Variants in CGNL1 observed in about 807,000 individuals in gnomAD.
CGNL1 encodes cingulin-like protein 1.
Under a neutral mutation model 141.2 loss-of-function variants are expected in CGNL1, and 132 were observed. That is an observed-to-expected ratio of 0.93 (90% confidence interval 0.81 to 1.08). The LOEUF is 1.08. CGNL1 is among the 50% of genes least tolerant of loss of function. The pLI is 0.00. For missense variants in CGNL1, 1,870 were observed against 1,588.6 expected (o/e 1.18, Z -3.01); for synonymous variants, 690 against 622.1 (o/e 1.11, Z -1.63).
chr15:57,543,120 A>G (rs1240678937), intron 14 of CGNL1, among the ~76,000 whole-genome samples: 1 of 152,176 alleles, frequency 6.6e-6, no homozygotes, highest in Non-Finnish European at 1.5e-5. Flanking sequence ...TGCCTCTGAG[A>G]CCAGTAGGGA....
chr15:57,481,504 G>A (rs542375445), intron 8 of CGNL1, among the ~76,000 whole-genome samples: 4 of 152,154 alleles, frequency 2.6e-5, no homozygotes, highest in Non-Finnish European at 5.9e-5. Flanking sequence ...CCAAGCTGCT[G>A]CATGTATCAA....
Position 57,380,584 on chromosome 15 carries a change from T to C in CGNL1, c.-16+4017T>C, listed in dbSNP as rs985730448. On this transcript the variant is annotated intron_variant, in intron 1 of 18. Transcript: ENST00000281282. ...AGGCATAAGACATGCTTTACTTGGG[T>C]TTACATTAAAGCTTATTCTATTAGG... Among the ~76,000 whole-genome samples the C allele has an allele frequency of 2.0e-5, 3 of 152,054 alleles. No individual in the cohort carries two copies. In the East Asian group the frequency reaches 5.8e-4, roughly 29 times the overall value.
chr15:57,416,066 C>G (rs1029305258), intron 1 of CGNL1, among the ~76,000 whole-genome samples: 1 of 152,138 alleles, frequency 6.6e-6, no homozygotes, highest in Non-Finnish European at 1.5e-5. Flanking sequence ...AAAAAACCCA[C>G]AGAAATACAG....
chr15:57,478,878 G>A (rs564510701), intron 8 of CGNL1, among the ~76,000 whole-genome samples: 15 of 152,208 alleles, frequency 9.9e-5, no homozygotes, highest in African/African-American at 3.6e-4. Flanking sequence ...GGCTCAAGTG[G>A]TTCTCCCACC....
At chr15:57,490,397 A>AAC (rs34731849) in intron 8 of CGNL1, among the ~76,000 whole-genome samples, 14 of 151,366 alleles carry the variant, frequency 9.2e-5, no homozygotes, top group Admixed American at 2.0e-4. Flanking sequence ...AAGTGCTCCA[A>AAC]ACACACACAC....
intron 14 of CGNL1, among the ~76,000 whole-genome samples, chr15:57,540,969 G>A (rs1251175109): frequency 6.6e-6 from 1 of 152,252 alleles, no homozygotes; most frequent in African/African-American, 2.4e-5. Flanking sequence ...GAGAGACGGG[G>A]TGGCTGCTCT....
intron 1 of CGNL1, among the ~76,000 whole-genome samples, chr15:57,433,078 G>C (rs1402985467): frequency 6.6e-6 from 1 of 152,164 alleles, no homozygotes; most frequent in African/African-American, 2.4e-5. Context: ...TTGGTGAGTA[G>C]AATAACCCCA....
At chr15:57,490,421 C>T (rs749999021) in intron 8 of CGNL1, among the ~76,000 whole-genome samples, 2 of 151,930 alleles carry the variant, frequency 1.3e-5, no homozygotes, top group African/African-American at 2.4e-5. Context: ...CGCACGCACG[C>T]GTGCGTGTGC....
intron 1 of CGNL1, among the ~76,000 whole-genome samples, chr15:57,396,340 T>A (rs1305557579): frequency 6.6e-6 from 1 of 151,426 alleles, no homozygotes; most frequent in South Asian, 2.1e-4. Context: ...AGTGATGTGA[T>A]CTCAGCTCAC....
intron 1 of CGNL1, among the ~76,000 whole-genome samples, chr15:57,431,733 AT>A (rs11400337): frequency 1.8e-4 from 27 of 151,202 alleles, no homozygotes; most frequent in African/African-American, 2.4e-4. Context: ...TTTTTTTGTA[AT>A]TTTTTTTTTA....
intron 14 of CGNL1, among the ~76,000 whole-genome samples, chr15:57,536,443 G>C (rs2032263572): frequency 6.6e-6 from 1 of 152,202 alleles, no homozygotes; most frequent in South Asian, 2.1e-4. Flanking sequence ...TGGATGTTTG[G>C]ACTTTGTTTT....
chr15:57,479,252 T>G (rs1203530729), intron 8 of CGNL1, among the ~76,000 whole-genome samples: 4 of 151,844 alleles, frequency 2.6e-5, no homozygotes. Context: ...GTGTGGAGGA[T>G]GGGAGTGAAA....
intron 1 of CGNL1, among the ~76,000 whole-genome samples, chr15:57,433,222 C>T (rs1438819416): frequency 1.3e-5 from 2 of 152,146 alleles, no homozygotes; most frequent in Non-Finnish European, 2.9e-5. Flanking sequence ...TAAGACACAC[C>T]TGGTTATTTT....
At chr15:57,379,971 C>T (rs2062407476) in intron 1 of CGNL1, among the ~76,000 whole-genome samples, 1 of 152,172 alleles carries the variant, frequency 6.6e-6, no homozygotes, top group African/African-American at 2.4e-5. Flanking sequence ...CATGCACCCT[C>T]CTGCATCCCT....
At chr15:57,426,095 C>T (rs1341260271) in intron 1 of CGNL1, among the ~76,000 whole-genome samples, 2 of 151,926 alleles carry the variant, frequency 1.3e-5, no homozygotes, top group Admixed American at 6.6e-5. Context: ...TCCTGGAGAT[C>T]AGAGAGGAAG....
intron 7 of CGNL1, among the ~76,000 whole-genome samples, chr15:57,457,117 T>C (rs1463505274): frequency 6.6e-6 from 1 of 152,140 alleles, no homozygotes; most frequent in Non-Finnish European, 1.5e-5. Flanking sequence ...TATAAAACCT[T>C]TTATTTATGC....
At chr15:57,540,771 G>A (rs8026794) in intron 14 of CGNL1, among the ~76,000 whole-genome samples, 51,314 of 152,096 alleles carry the variant, frequency 0.34, 9,448 homozygotes, top group Non-Finnish European at 0.42. Flanking sequence ...TATGGAGAGC[G>A]GGCACTTTCT....
chr15:57,524,898 T>C (rs2031517211), intron 12 of CGNL1, 147 bp downstream of exon 12: 1 of 791,694 alleles, frequency 1.3e-6, no homozygotes, highest in Non-Finnish European at 2.0e-6. Context: ...ATGGGTTCCG[T>C]GGGCAAATGG....
At chr15:57,393,204 T>C (rs2062561869) in intron 1 of CGNL1, among the ~76,000 whole-genome samples, 2 of 152,224 alleles carry the variant, frequency 1.3e-5, no homozygotes, top group South Asian at 4.1e-4. Context: ...ACATTTCTAT[T>C]GAGTTACTTT....
Sources: allele counts gnomAD v4.1 joint callset (sites outside exome capture counted in the v4.1 genomes callset), GRCh38; gene constraint gnomAD v4.1.1; transcripts MANE v1.5; gene names NCBI Gene and HGNC (gene_info 2026-07-23, HGNC 2026-07-21).